The following CNTNAP2 variants were observed in gnomAD, a reference collection of about 807,000 sequenced individuals.
CNTNAP2 encodes the protein contactin-associated protein-like 2.
A neutral mutation model predicts 155.2 loss-of-function variants in CNTNAP2; 98 were observed. That is an observed-to-expected ratio of 0.63 (90% CI 0.54 to 0.75). CNTNAP2 has a LOEUF of 0.75. CNTNAP2 is among the 30% of genes least tolerant of loss of function. The pLI, the probability that CNTNAP2 is intolerant of heterozygous loss-of-function variation, is 0.00. For missense variants in CNTNAP2, 1,727 were observed against 1,688.1 expected (o/e 1.02, Z -0.40); for synonymous variants, 651 against 631.2 (o/e 1.03, Z -0.47).
At chr7:147,031,176 CATTTATCTAATT>C (rs1441243179) in intron 3 of CNTNAP2, among the ~76,000 whole-genome samples, 1 of 151,904 alleles carries the variant, frequency 6.6e-6, no homozygotes, top group Non-Finnish European at 1.5e-5. Context: ...AAATGGATAG[CATTTATCTAATT>C]ATTTTCATCC....
At chr7:146,280,915 A>G (rs115508229) in intron 1 of CNTNAP2, among the ~76,000 whole-genome samples, 474 of 152,232 alleles carry the variant, frequency 3.1e-3, no homozygotes, top group African/African-American at 0.011. Context: ...GACACCATGC[A>G]AGATTACCTG....
At chr7:146,433,459 A>G (rs1796199225) in intron 1 of CNTNAP2, among the ~76,000 whole-genome samples, 2 of 152,122 alleles carry the variant, frequency 1.3e-5, no homozygotes, top group South Asian at 4.1e-4. Flanking sequence ...TGGGGTTGTG[A>G]TTGAAAATAC....
intron 15 of CNTNAP2, among the ~76,000 whole-genome samples, chr7:148,027,328 T>A (rs1188190742): frequency 6.6e-6 from 1 of 152,264 alleles, no homozygotes; most frequent in East Asian, 1.9e-4. Context: ...AGAATCTATG[T>A]AGCACTTTTA....
At chr7:147,240,423 T>G (rs1157066397) in intron 8 of CNTNAP2, among the ~76,000 whole-genome samples, 1 of 152,236 alleles carries the variant, frequency 6.6e-6, no homozygotes, top group African/African-American at 2.4e-5. Flanking sequence ...ACAAGGTGAT[T>G]AGCTCACTAC....
intron 9 of CNTNAP2, among the ~76,000 whole-genome samples, chr7:147,389,541 G>T (rs1341360322): frequency 6.6e-6 from 1 of 152,156 alleles, no homozygotes. Context: ...CCTTGAAAAT[G>T]CTTGTGTTTT....
chr7:147,118,234 A>C (rs1801027783), intron 5 of CNTNAP2, among the ~76,000 whole-genome samples: 1 of 152,194 alleles, frequency 6.6e-6, no homozygotes, highest in African/African-American at 2.4e-5. Context: ...CTTTCAGGAA[A>C]ATAGCTAGAC....
At chr7:146,911,826 A>G (rs987592985) in intron 3 of CNTNAP2, among the ~76,000 whole-genome samples, 3 of 152,150 alleles carry the variant, frequency 2.0e-5, no homozygotes, top group Non-Finnish European at 2.9e-5. Flanking sequence ...AATAAATAAT[A>G]AAATTTGGTT....
intron 15 of CNTNAP2, among the ~76,000 whole-genome samples, chr7:147,993,632 CTG>C (rs1444573031): frequency 2.0e-5 from 3 of 152,208 alleles, no homozygotes; most frequent in East Asian, 3.9e-4. Context: ...TGATTCCACT[CTG>C]AACTTTAGAT....
chr7:147,387,789 C>A (rs1796647920), intron 9 of CNTNAP2, among the ~76,000 whole-genome samples: 1 of 151,996 alleles, frequency 6.6e-6, no homozygotes, highest in African/African-American at 2.4e-5. Flanking sequence ...TATAGTAGGT[C>A]TCGTTCATTA....
At chr7:147,813,995 C>G (rs1354158174) in intron 13 of CNTNAP2, among the ~76,000 whole-genome samples, 3 of 152,014 alleles carry the variant, frequency 2.0e-5, no homozygotes, top group African/African-American at 4.8e-5. Context: ...GGAACAATAG[C>G]TAACATTTAC....
At chr7:147,334,990 T>C (rs1795641797) in intron 9 of CNTNAP2, among the ~76,000 whole-genome samples, 1 of 152,202 alleles carries the variant, frequency 6.6e-6, no homozygotes, top group South Asian at 2.1e-4. Context: ...CTATTATCCC[T>C]ATTCTGCAGA....
At chr7:146,835,924 C>T (rs980193177) in intron 2 of CNTNAP2, among the ~76,000 whole-genome samples, 1 of 152,182 alleles carries the variant, frequency 6.6e-6, no homozygotes, top group Admixed American at 6.5e-5. Context: ...GGGCAGGGTA[C>T]TGGCTTTTTA....
At chr7:147,346,224 G>A (rs1339996407) in intron 9 of CNTNAP2, among the ~76,000 whole-genome samples, 1 of 148,574 alleles carries the variant, frequency 6.7e-6, no homozygotes, top group Non-Finnish European at 1.5e-5. Context: ...GCGCAATCTC[G>A]GCTCACTGCA....
At chr7:147,678,819 G>A (rs1277559644) in intron 13 of CNTNAP2, among the ~76,000 whole-genome samples, 3 of 151,828 alleles carry the variant, frequency 2.0e-5, no homozygotes, top group African/African-American at 7.2e-5. Context: ...GTGGGAGTGG[G>A]AATGACTTTA....
At chr7:148,032,990 G>A (rs553606939) in intron 15 of CNTNAP2, among the ~76,000 whole-genome samples, 2 of 151,866 alleles carry the variant, frequency 1.3e-5, no homozygotes, top group Non-Finnish European at 2.9e-5. Flanking sequence ...GTTCCACGCA[G>A]ACAGAGTGAC....
In CNTNAP2 at chr7:146,973,492, A is replaced by T. The variant is rs1017732496; in HGVS notation, c.403-70415A>T. On this transcript the variant is annotated intron_variant, in intron 3 of 23. Transcript: ENST00000361727. ...CTTTGCAATTTTATTTAGTCAAAAG[A>T]TAGTAAATGCAGTGTAAAGTCATTA... 4.6e-5 allele frequency among the ~76,000 whole-genome samples: 7 copies of T among 152,368 alleles called. No homozygotes were observed. The East Asian group carries it at 1.4e-3, about 29-fold the overall frequency.
At chr7:147,147,317 A>T (rs1006359536) in intron 8 of CNTNAP2, among the ~76,000 whole-genome samples, 1 of 152,160 alleles carries the variant, frequency 6.6e-6, no homozygotes, top group African/African-American at 2.4e-5. Flanking sequence ...ACAATTCAAG[A>T]TGAGATTTGG....
intron 9 of CNTNAP2, among the ~76,000 whole-genome samples, chr7:147,393,628 C>T (rs530028615): frequency 6.6e-5 from 10 of 152,004 alleles, no homozygotes; most frequent in African/African-American, 1.7e-4. Flanking sequence ...CATGTGTGCA[C>T]GCAACTGGTA....
intron 15 of CNTNAP2, among the ~76,000 whole-genome samples, chr7:148,064,614 A>C (rs980523865): frequency 5.9e-5 from 9 of 151,474 alleles, no homozygotes; most frequent in Non-Finnish European, 1.3e-4. Context: ...TAGTTCTGCT[A>C]TACACCAACT....
Sources: allele counts gnomAD v4.1 joint callset (sites outside exome capture counted in the v4.1 genomes callset), GRCh38; gene constraint gnomAD v4.1.1; transcripts MANE v1.5; gene names NCBI Gene and HGNC (gene_info 2026-07-23, HGNC 2026-07-21).